Variants in GRIN2A observed in about 807,000 individuals in gnomAD.
GRIN2A encodes the protein glutamate ionotropic receptor NMDA type subunit 2A, also known as glutamate receptor ionotropic, NMDA 2A.
In GRIN2A, 22 loss-of-function variants were observed where a neutral mutation model predicts 113.4. That is an observed-to-expected ratio of 0.19 (90% CI 0.14 to 0.28). The LOEUF (loss-of-function observed/expected upper bound fraction) is 0.28. Ranked by LOEUF, GRIN2A falls within the 10% of genes least tolerant of loss-of-function variation. The probability of loss-of-function intolerance (pLI) is 1.00; values close to 1 mark genes in which losing one functional copy is unlikely to be tolerated. For synonymous variants in GRIN2A, 827 were observed against 738.4 expected, an observed-to-expected ratio of 1.12 and a Z score of -1.94; for missense variants, 1,502 against 1,887.0, an observed-to-expected ratio of 0.80 and a Z score of 3.78.
At chr16:10,015,751 A>G (rs2046597620) in intron 2 of GRIN2A, among the ~76,000 whole-genome samples, 1 of 152,208 alleles carries the variant, frequency 6.6e-6, no homozygotes, top group Non-Finnish European at 1.5e-5. Flanking sequence ...TGCAGGGGAC[A>G]GGGAGGTGCA....
At chr16:9,776,402 C>G (rs892177073) in intron 11 of GRIN2A, among the ~76,000 whole-genome samples, 4 of 151,294 alleles carry the variant, frequency 2.6e-5, no homozygotes, top group Non-Finnish European at 4.4e-5. Context: ...TGGCACAGGT[C>G]TTGGTACATG....
intron 12 of GRIN2A, among the ~76,000 whole-genome samples, chr16:9,768,262 C>T (rs111658294): frequency 3.9e-5 from 6 of 152,236 alleles, no homozygotes; most frequent in African/African-American, 1.4e-4. Flanking sequence ...CCGTGTTAGC[C>T]AGGATGGTCT....
At chr16:10,132,358 A>AAAAAAAAAAAAAAAATG in intron 2 of GRIN2A, among the ~76,000 whole-genome samples, 1 of 151,198 alleles carries the variant, frequency 6.6e-6, no homozygotes, top group Non-Finnish European at 1.5e-5. Flanking sequence ...AAAAAAAAAA[A>AAAAAAAAAAAAAAAATG]GATGTGAAAT....
intron 2 of GRIN2A, among the ~76,000 whole-genome samples, chr16:10,165,754 GGAGGGGAGGGGAGA>G (rs2049907966): frequency 5.9e-5 from 2 of 33,902 alleles, no homozygotes. Context: ...AGGGGAGAAA[GGAGGGGAGGGGAGA>G]GGAGAAGAGA....
intron 10 of GRIN2A, among the ~76,000 whole-genome samples, chr16:9,803,003 GT>G (rs1366343025): frequency 7.0e-6 from 1 of 142,018 alleles, no homozygotes; most frequent in Non-Finnish European, 1.5e-5. Flanking sequence ...AAAAATAATT[GT>G]TCCTGTTGTT....
chr16:9,941,276 C>G (rs113632024), intron 2 of GRIN2A, among the ~76,000 whole-genome samples: 6 of 152,340 alleles, frequency 3.9e-5, no homozygotes, highest in African/African-American at 9.6e-5. Flanking sequence ...CACCCTTGCT[C>G]TATGTACTCT....
At chr16:10,059,666 T>G (rs928527157) in intron 2 of GRIN2A, among the ~76,000 whole-genome samples, 1 of 149,526 alleles carries the variant, frequency 6.7e-6, no homozygotes, top group African/African-American at 2.5e-5. Context: ...GACTTTCTCC[T>G]GTAGCTAATG....
chr16:10,123,687 G>A (rs1176692478), intron 2 of GRIN2A, among the ~76,000 whole-genome samples: 1 of 152,146 alleles, frequency 6.6e-6, no homozygotes, highest in East Asian at 1.9e-4. Flanking sequence ...GGTTCCCAGA[G>A]GATGTCAAAG....
chr16:9,851,918 ATTG>A (rs1337640540), intron 4 of GRIN2A, among the ~76,000 whole-genome samples: 1 of 152,234 alleles, frequency 6.6e-6, no homozygotes, highest in African/African-American at 2.4e-5. Flanking sequence ...TTATTTTACT[ATTG>A]TTGTTAACAT....
intron 2 of GRIN2A, among the ~76,000 whole-genome samples, chr16:9,960,487 T>A (rs1444716112): frequency 1.3e-5 from 2 of 152,248 alleles, no homozygotes; most frequent in Non-Finnish European, 2.9e-5. Context: ...GTTTCTTTTA[T>A]AAATGAAAAA....
At chr16:9,961,660 A>G (rs1311341516) in intron 2 of GRIN2A, among the ~76,000 whole-genome samples, 1 of 152,236 alleles carries the variant, frequency 6.6e-6, no homozygotes, top group Non-Finnish European at 1.5e-5. Flanking sequence ...TCTTAAATTT[A>G]AACAAAATTT....
At chr16:9,800,611 T>C (rs1903300706) in intron 10 of GRIN2A, among the ~76,000 whole-genome samples, 1 of 152,158 alleles carries the variant, frequency 6.6e-6, no homozygotes, top group African/African-American at 2.4e-5. Flanking sequence ...TTTGTTTCTA[T>C]AATGGTTTGA....
chr16:10,172,222 T>A (rs1018271138), intron 2 of GRIN2A, among the ~76,000 whole-genome samples: 4 of 152,222 alleles, frequency 2.6e-5, no homozygotes, highest in Non-Finnish European at 4.4e-5. Context: ...TTTTTGAAAA[T>A]TGAATTTCAT....
At chr16:9,956,824 G>A (rs759654715) in intron 2 of GRIN2A, among the ~76,000 whole-genome samples, 2 of 152,162 alleles carry the variant, frequency 1.3e-5, no homozygotes, top group Non-Finnish European at 2.9e-5. Context: ...AGGCAAAGAG[G>A]AGAGGACAGA....
chr16:10,072,375 A>C (rs2047770795), intron 2 of GRIN2A, among the ~76,000 whole-genome samples: 1 of 152,208 alleles, frequency 6.6e-6, no homozygotes, highest in Non-Finnish European at 1.5e-5. Context: ...GGACTTAGCA[A>C]AGAGAAACAA....
chr16:9,959,297 T>G lies in GRIN2A; in HGVS notation c.415-20746A>C, dbSNP rs1167935156. Among the ~76,000 whole-genome samples the G allele has an allele frequency of 2.0e-5, 3 of 152,284 alleles. No homozygotes were observed. In the South Asian group the frequency reaches 6.2e-4, roughly 32 times the overall value. ...AAAGCCTCACTCATTTTCCCACCCC[T>G]GACCCACCAACCAGCTTCCATCCCT... is the stretch of plus-strand genomic sequence containing the variant. On this transcript the variant is annotated intron_variant, in intron 2 of 12. Transcript: ENST00000330684.
intron 3 of GRIN2A, among the ~76,000 whole-genome samples, chr16:9,935,460 G>C (rs1266199453): frequency 6.7e-6 from 1 of 149,286 alleles, no homozygotes; most frequent in African/African-American, 2.5e-5. Context: ...TTAATTCAAG[G>C]TTCATTTTTC....
At chr16:9,877,814 C>T (rs1322244962) in intron 4 of GRIN2A, among the ~76,000 whole-genome samples, 1 of 110,600 alleles carries the variant, frequency 9.0e-6, no homozygotes, top group Non-Finnish European at 1.9e-5. Flanking sequence ...TTTCCCTCTC[C>T]CCCCATCCCC....
chr16:10,034,813 A>T (rs2141937702), intron 2 of GRIN2A, among the ~76,000 whole-genome samples: 1 of 152,308 alleles, frequency 6.6e-6, no homozygotes, highest in Non-Finnish European at 1.5e-5. Context: ...ATTTTCAGAA[A>T]GCATGGTTGA....
Sources: gnomAD v4.1 joint callset for allele counts (sites outside exome capture counted in the v4.1 genomes callset) on GRCh38, gnomAD v4.1.1 for gene constraint, MANE v1.5 for transcripts, NCBI Gene and HGNC (gene_info 2026-07-23, HGNC 2026-07-21) for gene names.